SEMA3A: variants seen among roughly 807,000 people sequenced by gnomAD.
The protein encoded by SEMA3A is semaphorin 3A, also known as semaphorin-3A.
A neutral mutation model predicts 97.9 loss-of-function variants in SEMA3A; 29 were observed. That is an observed-to-expected ratio of 0.30 (90% CI 0.22 to 0.40). The LOEUF (loss-of-function observed/expected upper bound fraction) is 0.40, where lower values mean the gene tolerates loss of function less well. Ranked by LOEUF, SEMA3A falls within the 10% of genes least tolerant of loss-of-function variation. The pLI, the probability that SEMA3A is intolerant of heterozygous loss-of-function variation, is 1.00. For synonymous variants in SEMA3A, 321 were observed against 323.7 expected (o/e 0.99, Z 0.09); for missense variants, 763 against 951.3 (o/e 0.80, Z 2.60).
chr7:84,395,605 T>C (rs1803710876), intron 1 of SEMA3A, among the ~76,000 whole-genome samples: 1 of 151,464 alleles, frequency 6.6e-6, no homozygotes, highest in African/African-American at 2.4e-5. Flanking sequence ...GGGGAGATAA[T>C]TGAATCATGG....
At chr7:84,320,674 A>G (rs976864817) in intron 2 of SEMA3A, among the ~76,000 whole-genome samples, 14 of 151,768 alleles carry the variant, frequency 9.2e-5, no homozygotes, top group Non-Finnish European at 4.4e-5. Flanking sequence ...TTTTCTGCAC[A>G]TGGGTTTATT....
chr7:84,181,918 C>T (rs1797746842), intron 1 of SEMA3A, among the ~76,000 whole-genome samples: 1 of 152,110 alleles, frequency 6.6e-6, no homozygotes, highest in African/African-American at 2.4e-5. Context: ...GAAACTTAGT[C>T]AGCTTGGTGC....
upstream of SEMA3A, among the ~76,000 whole-genome samples, chr7:84,196,920 A>G (rs1234859983): frequency 6.6e-6 from 1 of 152,108 alleles, no homozygotes; most frequent in African/African-American, 2.4e-5. Context: ...GTTTTTGTCA[A>G]AACTAAACAG....
intron 1 of SEMA3A, among the ~76,000 whole-genome samples, chr7:84,473,980 C>T (rs1806217158): frequency 6.6e-6 from 1 of 152,192 alleles, no homozygotes; most frequent in Non-Finnish European, 1.5e-5. Context: ...AGATCTGAAT[C>T]AGTTCCAAAC....
At chr7:84,435,621 C>CAAAA (rs1476943981) in intron 1 of SEMA3A, among the ~76,000 whole-genome samples, 3 of 152,016 alleles carry the variant, frequency 2.0e-5, no homozygotes, top group African/African-American at 7.2e-5. Flanking sequence ...AACAAACAAA[C>CAAAA]AAACAAACCT....
At chr7:84,334,668 T>G (rs1256678902) in intron 2 of SEMA3A, among the ~76,000 whole-genome samples, 1 of 150,390 alleles carries the variant, frequency 6.6e-6, no homozygotes, top group Non-Finnish European at 1.5e-5. Flanking sequence ...ACCCCCATGT[T>G]CTTTTCCCCA....
intron 1 of SEMA3A, among the ~76,000 whole-genome samples, chr7:84,426,277 C>CAGATAGATAGAT (rs1554384465): frequency 0.016 from 2,085 of 133,070 alleles, 19 homozygotes; most frequent in South Asian, 0.029. Context: ...GATATATAGA[C>CAGATAGATAGAT]AGATAGATAG....
chr7:84,002,307 G>GT (rs1395187412), intron 11 of SEMA3A, among the ~76,000 whole-genome samples: 1 of 152,082 alleles, frequency 6.6e-6, no homozygotes, highest in Non-Finnish European at 1.5e-5. Context: ...CTTGAAGAAG[G>GT]TTTTATCATG....
At chr7:84,361,493 A>G (rs111735350) in intron 2 of SEMA3A, among the ~76,000 whole-genome samples, 2,517 of 152,178 alleles carry the variant, frequency 0.017, 48 homozygotes, top group Non-Finnish European at 0.023. Context: ...TTATAATGCA[A>G]ATAAATATAT....
chr7:84,078,567 C>T (rs1341899196), intron 4 of SEMA3A, among the ~76,000 whole-genome samples: 1 of 151,954 alleles, frequency 6.6e-6, no homozygotes, highest in Non-Finnish European at 1.5e-5. Context: ...TGGTCTTGCT[C>T]TCCTGTCTCA....
chr7:84,358,945 GGT>G, intron 2 of SEMA3A, among the ~76,000 whole-genome samples: 1 of 152,192 alleles, frequency 6.6e-6, no homozygotes, highest in South Asian at 2.1e-4. Context: ...GTCTGTTATT[GGT>G]GTATAAGAAT....
chr7:84,475,036 C>T (rs1481584066), intron 1 of SEMA3A, among the ~76,000 whole-genome samples: 3 of 152,066 alleles, frequency 2.0e-5, no homozygotes, highest in African/African-American at 7.2e-5. Flanking sequence ...TACCTAAGGC[C>T]TCAGATGGGC....
Position 83,956,045 on chromosome 7 carries a change from G to C in SEMA3A, c.*5326C>G, listed in dbSNP as rs1164699323. 1 of 152,132 alleles carries C rather than the reference G, an allele frequency of 6.6e-6. No individual in the cohort carries two copies. The highest frequency in any genetic ancestry group is 1.5e-5 in the Non-Finnish European group (1 of 68,014). 9.4% of individuals were successfully genotyped at this position (152,132 alleles called of 1,614,324 possible). On this transcript the variant is annotated 3_prime_UTR_variant, in exon 17 of 17. Coordinates refer to ENST00000265362, the MANE Select transcript of SEMA3A (RefSeq NM_006080.3). ...GCGGGGTTGACATATTCAAGATGAAGGTGGGTCTCATTTTTTAAAAAACTT... is the reference window on the plus strand; with the variant it reads ...GCGGGGTTGACATATTCAAGATGAACGTGGGTCTCATTTTTTAAAAAACTT...
In SEMA3A at chr7:84,060,481, T is replaced by G; in HGVS notation, c.531A>C (p.Thr177=). ...GKSPYDPKLL[T]ASLLIDGELY... Reference sequence around the variant, plus strand: ...ACTACGCACCTATTAAAAGGGATGCTGTCAGCAGCTTAGGGTCATATGGAC... The same window carrying G: ...ACTACGCACCTATTAAAAGGGATGCGGTCAGCAGCTTAGGGTCATATGGAC... The change falls in exon 5 of 17, where the codon ACA becomes ACC. Residue 177 remains threonine (T), a synonymous_variant. Coordinates refer to ENST00000265362, the MANE Select transcript of SEMA3A (RefSeq NM_006080.3). 2 of 1,586,144 alleles carry G rather than the reference T, an allele frequency of 1.3e-6. No homozygotes were observed. Among genetic ancestry groups the G allele is most frequent in the Non-Finnish European group, 1.7e-6 (2 of 1,170,270 alleles).
At chr7:84,372,330 G>A (rs1802995860) in intron 1 of SEMA3A, 2 of 152,100 alleles carry the variant, frequency 1.3e-5, no homozygotes, top group South Asian at 2.1e-4. Context: ...CACTGTGAGT[G>A]AGTATTAGTC....
At chr7:84,447,538 C>G (rs1357385766) in intron 1 of SEMA3A, among the ~76,000 whole-genome samples, 1 of 152,164 alleles carries the variant, frequency 6.6e-6, no homozygotes, top group Non-Finnish European at 1.5e-5. Flanking sequence ...TAGACTCAAA[C>G]AGACGTCAGA....
chr7:84,232,654 C>T (rs1212194782), intron 3 of SEMA3A, among the ~76,000 whole-genome samples: 2 of 151,904 alleles, frequency 1.3e-5, no homozygotes, highest in Non-Finnish European at 2.9e-5. Context: ...TATTCAATAT[C>T]ACATAACTTG....
chr7:84,322,711 G>A (rs146841268), intron 2 of SEMA3A, among the ~76,000 whole-genome samples: 9 of 152,230 alleles, frequency 5.9e-5, no homozygotes, highest in Admixed American at 5.2e-4. Context: ...TCTCAGGTGT[G>A]TCTTCATTAG....
intron 3 of SEMA3A, among the ~76,000 whole-genome samples, chr7:84,221,679 T>C (rs546683372): frequency 1.3e-4 from 20 of 151,928 alleles, no homozygotes; most frequent in Non-Finnish European, 2.6e-4. Flanking sequence ...GGCCAGTGAG[T>C]AGAGCCGTGA....
Sources: allele counts gnomAD v4.1 joint callset (sites outside exome capture counted in the v4.1 genomes callset), GRCh38; gene constraint gnomAD v4.1.1; transcripts MANE v1.5; gene names NCBI Gene and HGNC (gene_info 2026-07-23, HGNC 2026-07-21).